Variants in CHN2 observed in about 807,000 individuals in gnomAD.
The protein encoded by CHN2 is chimerin 2.
CHN2 carries 35 observed loss-of-function variants against 56.3 expected under a neutral mutation model. The observed-to-expected ratio is 0.62, with a 90% CI of 0.47 to 0.82. CHN2 has a LOEUF of 0.82. Ranked by LOEUF, CHN2 falls within the 40% of genes least tolerant of loss-of-function variation. CHN2 has a pLI of 0.00. For synonymous variants in CHN2, 210 were observed against 212.8 expected (o/e 0.99, Z 0.12); for missense variants, 491 against 580.5 (o/e 0.85, Z 1.58).
At chr7:29,454,364 A>T (rs1483922320) in intron 6 of CHN2, among the ~76,000 whole-genome samples, 2 of 152,238 alleles carry the variant, frequency 1.3e-5, no homozygotes, top group African/African-American at 4.8e-5. Flanking sequence ...TCAAATACCC[A>T]GTATGGCTAC....
At chr7:29,356,126 G>C (rs140792139) in intron 2 of CHN2, among the ~76,000 whole-genome samples, 83 of 152,074 alleles carry the variant, frequency 5.5e-4, no homozygotes, top group African/African-American at 1.8e-3. Context: ...AGGAAACCAC[G>C]GCTCAGGGAG....
At chr7:29,330,250 A>T (rs545612793) in intron 1 of CHN2, among the ~76,000 whole-genome samples, 2 of 152,292 alleles carry the variant, frequency 1.3e-5, no homozygotes, top group Middle Eastern at 6.8e-3. Flanking sequence ...CAGTGGCCTC[A>T]TTCAACATAG....
At chr7:29,340,669 C>T (rs928073782) in intron 1 of CHN2, among the ~76,000 whole-genome samples, 1 of 152,204 alleles carries the variant, frequency 6.6e-6, no homozygotes, top group East Asian at 1.9e-4. Context: ...CCCACCTCCC[C>T]AGGGAGAAAA....
At chr7:29,459,894 G>A (rs1396543956) in intron 6 of CHN2, among the ~76,000 whole-genome samples, 1 of 152,194 alleles carries the variant, frequency 6.6e-6, no homozygotes, top group Non-Finnish European at 1.5e-5. Context: ...GAAGAGGAAA[G>A]AGGAGCAGGA....
chr7:29,164,123 A>G (rs1386391967), intron 2 of CHN2, among the ~76,000 whole-genome samples: 1 of 152,230 alleles, frequency 6.6e-6, no homozygotes, highest in Non-Finnish European at 1.5e-5. Context: ...TCCCACCAGC[A>G]GTGCATGAGA....
intron 10 of CHN2, among the ~76,000 whole-genome samples, chr7:29,506,776 G>T (rs1790617377): frequency 6.6e-6 from 1 of 152,172 alleles, no homozygotes; most frequent in Non-Finnish European, 1.5e-5. Flanking sequence ...CAGTGAGCCT[G>T]AAAGAAACAA....
chr7:29,330,621 C>T (rs6960093), intron 1 of CHN2, among the ~76,000 whole-genome samples: 5,730 of 152,200 alleles, frequency 0.038, 352 homozygotes, highest in African/African-American at 0.13. Context: ...AATAATTTAG[C>T]ATCAAGAACA....
At chr7:29,270,858 A>C (rs1302144189) in intron 1 of CHN2, among the ~76,000 whole-genome samples, 1 of 106,056 alleles carries the variant, frequency 9.4e-6, no homozygotes, top group Non-Finnish European at 1.8e-5. Flanking sequence ...CAAGAGAAAA[A>C]GATGGCTTTT....
At chr7:29,409,004 G>A (rs905691696) in intron 6 of CHN2, among the ~76,000 whole-genome samples, 1 of 152,074 alleles carries the variant, frequency 6.6e-6, no homozygotes, top group African/African-American at 2.4e-5. Context: ...CAAACCTAAC[G>A]GATGTGAAAA....
At chr7:29,248,457 C>G (rs1000811233) in intron 1 of CHN2, among the ~76,000 whole-genome samples, 11 of 152,170 alleles carry the variant, frequency 7.2e-5, no homozygotes, top group Non-Finnish European at 1.3e-4. Flanking sequence ...TAGTTTGGGC[C>G]CTGCGTCTCA....
intron 2 of CHN2, among the ~76,000 whole-genome samples, chr7:29,174,599 C>A (rs537036344): frequency 6.6e-6 from 1 of 152,146 alleles, no homozygotes; most frequent in East Asian, 1.9e-4. Context: ...CAGTGACTCA[C>A]GCCTGTAATC....
At chr7:29,463,014 AAG>A (rs1785282559) in intron 6 of CHN2, among the ~76,000 whole-genome samples, 1 of 148,820 alleles carries the variant, frequency 6.7e-6, no homozygotes, top group Non-Finnish European at 1.5e-5. Flanking sequence ...AGGAATGTAA[AAG>A]AGTTTTACAG....
chr7:29,185,186 T>C (rs1460899590), intron 2 of CHN2, among the ~76,000 whole-genome samples: 1 of 152,208 alleles, frequency 6.6e-6, no homozygotes, highest in African/African-American at 2.4e-5. Context: ...TCTAATCTTC[T>C]TTATGATTGA....
chr7:29,405,247 G>C (rs1386567120), intron 6 of CHN2, among the ~76,000 whole-genome samples: 1 of 136,860 alleles, frequency 7.3e-6, no homozygotes, highest in African/African-American at 2.7e-5. Flanking sequence ...TCTGCACCCA[G>C]GCTGTTTCTT....
Position 29,507,229 on chromosome 7 carries a change from T to C in CHN2, c.993T>C (p.Asp331=). ...IEDVKMAFDR[D]GEKADISANV... ...CTTGGATCACTGATTGTTTTTCAGA[T>C]GGTGAAAAGGCCGATATATCTGCCA... Residue 331 remains aspartate, a splice_region_variant and synonymous_variant, in exon 11 of 13, where the codon GAT becomes GAC. Coordinates refer to ENST00000222792, the MANE Select transcript of CHN2 (RefSeq NM_004067.4). 3 of 1,604,044 alleles carry C rather than the reference T, an allele frequency of 1.9e-6. No individual in the cohort carries two copies. Among genetic ancestry groups the C allele is most frequent in the South Asian group, 1.1e-5 (1 of 88,390 alleles).
In CHN2 at chr7:29,511,759, G is replaced by A. The variant is rs555624433; in HGVS notation, c.1236-805G>A. Among the ~76,000 whole-genome samples the A allele has an allele frequency of 3.4e-3, 522 of 151,862 alleles. 4 individuals carry two copies. Among genetic ancestry groups the A allele is most frequent in the Middle Eastern group, 0.014 (4 of 292 alleles). On this transcript the variant is annotated intron_variant, in intron 12 of 12. Coordinates refer to ENST00000222792, the MANE Select transcript of CHN2 (RefSeq NM_004067.4). ...TTTAATTATATTTTGCTCATTTTTG[G>A]AGAACCCATTCCCTTTTACATCTAT...
chr7:29,292,165 G>T (rs1450428429), intron 1 of CHN2, among the ~76,000 whole-genome samples: 1 of 152,178 alleles, frequency 6.6e-6, no homozygotes, highest in Admixed American at 6.5e-5. Flanking sequence ...GATGGAGCGA[G>T]AGACGGGCCA....
intron 1 of CHN2, among the ~76,000 whole-genome samples, chr7:29,339,033 T>C (rs541737213): frequency 9.8e-5 from 15 of 152,336 alleles, no homozygotes; most frequent in Admixed American, 2.6e-4. Flanking sequence ...ACAAAGCCTG[T>C]CATACTATTG....
chr7:29,227,831 G>A (rs1219983591), intron 1 of CHN2, among the ~76,000 whole-genome samples: 1 of 152,060 alleles, frequency 6.6e-6, no homozygotes, highest in African/African-American at 2.4e-5. Flanking sequence ...TCTGTCACTT[G>A]GAATAGAAAC....
Sources: gnomAD v4.1 joint callset for allele counts (sites outside exome capture counted in the v4.1 genomes callset) on GRCh38, gnomAD v4.1.1 for gene constraint, MANE v1.5 for transcripts, NCBI Gene and HGNC (gene_info 2026-07-23, HGNC 2026-07-21) for gene names.